COL28A1: variants seen among roughly 807,000 people sequenced by gnomAD.
The protein encoded by COL28A1 is collagen type XXVIII alpha 1 chain, also known as collagen alpha-1(XXVIII) chain.
COL28A1 carries 161 observed loss-of-function variants against 150.2 expected under a neutral mutation model. The observed-to-expected ratio is 1.07, with a 90% confidence interval of 0.94 to 1.22. COL28A1 has a LOEUF of 1.22. COL28A1 is among the 50% of genes most tolerant of loss of function. COL28A1 has a pLI of 0.00. For synonymous variants in COL28A1, 552 were observed against 469.7 expected (o/e 1.18, Z -2.26); for missense variants, 1,617 against 1,388.3 (o/e 1.16, Z -2.62).
intron 25 of COL28A1, among the ~76,000 whole-genome samples, chr7:7,425,826 C>T (rs1784618718): frequency 6.6e-6 from 1 of 152,166 alleles, no homozygotes; most frequent in Non-Finnish European, 1.5e-5. Flanking sequence ...GCTGAGGTCA[C>T]ACAGCTAATA....
chr7:7,392,535 G>T (rs961557061), intron 27 of COL28A1, among the ~76,000 whole-genome samples: 2 of 152,116 alleles, frequency 1.3e-5, no homozygotes, highest in East Asian at 3.8e-4. Flanking sequence ...TGCTAGGTTG[G>T]GGAAGTTCTC....
chr7:7,502,460 A>G (rs981766258), intron 11 of COL28A1, among the ~76,000 whole-genome samples: 1 of 151,990 alleles, frequency 6.6e-6, no homozygotes, highest in African/African-American at 2.4e-5. Context: ...TTTTCTGAAA[A>G]CCCTTTAATG....
intron 33 of COL28A1, among the ~76,000 whole-genome samples, chr7:7,370,028 T>A (rs1781135735): frequency 6.6e-6 from 1 of 152,032 alleles, no homozygotes; most frequent in Admixed American, 6.6e-5. Context: ...GGCTCCCCCA[T>A]TTTCTCCTTA....
At chr7:7,536,014 T>G (rs1196694766), upstream of COL28A1, among the ~76,000 whole-genome samples, 1 of 152,232 alleles carries the variant, frequency 6.6e-6, no homozygotes, top group South Asian at 2.1e-4. Flanking sequence ...AGAATGAGAC[T>G]GTGTTTTCCA....
At chr7:7,525,334 T>A (rs564431528) in intron 3 of COL28A1, among the ~76,000 whole-genome samples, 1 of 152,360 alleles carries the variant, frequency 6.6e-6, no homozygotes, top group African/African-American at 2.4e-5. Context: ...GTCATGATCT[T>A]GTTTTTGTCT....
chr7:7,418,609 C>T (rs568474390), intron 26 of COL28A1, among the ~76,000 whole-genome samples: 2 of 152,180 alleles, frequency 1.3e-5, no homozygotes, highest in African/African-American at 4.8e-5. Flanking sequence ...CCCAGAAGTT[C>T]CTAAATTAAC....
At chr7:7,408,936 T>A (rs1052773328) in intron 27 of COL28A1, among the ~76,000 whole-genome samples, 2 of 152,158 alleles carry the variant, frequency 1.3e-5, no homozygotes, top group African/African-American at 4.8e-5. Flanking sequence ...CTGATTTGAT[T>A]ACTCCCTAAC....
intron 28 of COL28A1, 68 bp from the exon 29 acceptor site, chr7:7,380,930 TA>T (rs1395221135): frequency 1.4e-6 from 2 of 1,392,546 alleles, no homozygotes; most frequent in Non-Finnish European, 2.0e-6. Flanking sequence ...AAAAGCTCTA[TA>T]ATTTGGTTAT....
the COL28A1 span, among the ~76,000 whole-genome samples, chr7:7,341,158 G>A: frequency 1.4e-3 from 219 of 152,192 alleles, 1 homozygote; most frequent in South Asian, 0.018. Flanking sequence ...GAAATTATAC[G>A]ACTCCAGACA....
chr7:7,345,574 T>C, the COL28A1 span, among the ~76,000 whole-genome samples: 2 of 152,094 alleles, frequency 1.3e-5, no homozygotes, highest in African/African-American at 4.8e-5. Context: ...TTTTTGTGTC[T>C]TTTTTTAAAA....
intron 25 of COL28A1, among the ~76,000 whole-genome samples, chr7:7,421,972 T>C: frequency 6.6e-6 from 1 of 152,090 alleles, no homozygotes; most frequent in East Asian, 1.9e-4. Context: ...GGGCTCCAAG[T>C]AGAGAACATG....
intron 25 of COL28A1, among the ~76,000 whole-genome samples, chr7:7,424,962 C>T (rs1314743516): frequency 6.6e-6 from 1 of 152,042 alleles, no homozygotes; most frequent in Non-Finnish European, 1.5e-5. Context: ...TTCTAAAACT[C>T]ACACATTGAA....
At position 7,370,860 on chromosome 7, in the gene COL28A1, A is replaced by C. The variant is rs758898369; in HGVS notation, c.2931T>G (p.Phe977Leu). 13 of 1,612,274 alleles carry C rather than the reference A, an allele frequency of 8.1e-6. No individual in the cohort carries two copies. The highest frequency in any genetic ancestry group is 1.0e-5 in the Non-Finnish European group (12 of 1,179,110). Residue 977 changes from phenylalanine to leucine, a missense_variant, in exon 33 of 35, where the codon TTT becomes TTG. Physicochemically the swap from Phe to Leu is conservative, Grantham distance 22 (BLOSUM62 0). Coordinates refer to ENST00000399429, the MANE Select transcript of COL28A1 (RefSeq NM_001037763.3). Reference sequence around the variant, plus strand: ...AATCAAAATCCTCACAAATTTTTTGAAACAATTTTTGCTTCAGGGTGTCTT... The same window carrying C: ...AATCAAAATCCTCACAAATTTTTTGCAACAATTTTTGCTTCAGGGTGTCTT... ...TLQDTLKQKL[F>L]QKICEDFDSY...
chr7:7,380,646 G>T lies in COL28A1; in HGVS notation c.2322+14C>A, dbSNP rs762388077. ...GCACAAAACCCTCAATTACCCTCTA[G>T]AATGGATACTCACTGTAAGTCCTAG... On this transcript the variant is annotated intron_variant, in intron 30 of 34. Transcript: ENST00000399429. The T allele has an allele frequency of 1.7e-5, 28 of 1,611,152 alleles. No individual in the cohort carries two copies. Among genetic ancestry groups the T allele is most frequent in the Non-Finnish European group, 2.3e-5 (27 of 1,177,514 alleles).
intron 23 of COL28A1, among the ~76,000 whole-genome samples, chr7:7,436,183 C>G (rs772307728): frequency 6.6e-6 from 1 of 151,918 alleles, no homozygotes; most frequent in Non-Finnish European, 1.5e-5. Flanking sequence ...GTCTAATCAG[C>G]AAAAATTTAA....
intron 8 of COL28A1, chr7:7,511,689 G>C (rs1033451818): frequency 2.4e-5 from 11 of 467,586 alleles, no homozygotes; most frequent in Non-Finnish European, 4.4e-5. Context: ...AGAACCGTGA[G>C]AGAAAGGTTC....
intron 30 of COL28A1, among the ~76,000 whole-genome samples, chr7:7,376,852 C>A (rs556075093): frequency 6.6e-6 from 1 of 152,100 alleles, no homozygotes; most frequent in Non-Finnish European, 1.5e-5. Flanking sequence ...AAAGGCTCTG[C>A]GATACACACT....
At chr7:7,382,589 GT>G (rs1030376783) in intron 27 of COL28A1, among the ~76,000 whole-genome samples, 3 of 152,132 alleles carry the variant, frequency 2.0e-5, no homozygotes, top group Admixed American at 2.0e-4. Flanking sequence ...CAAAGTCATA[GT>G]TCTAATGCTC....
At chr7:7,486,420 A>G (rs1366677048) in intron 13 of COL28A1, among the ~76,000 whole-genome samples, 1 of 152,128 alleles carries the variant, frequency 6.6e-6, no homozygotes, top group Non-Finnish European at 1.5e-5. Flanking sequence ...TTTTATACCA[A>G]TGCCTTATAT....
Sources: gnomAD v4.1 joint callset for allele counts (sites outside exome capture counted in the v4.1 genomes callset) on GRCh38, gnomAD v4.1.1 for gene constraint, MANE v1.5 for transcripts, NCBI Gene and HGNC (gene_info 2026-07-23, HGNC 2026-07-21) for gene names.